EPB41L4A: variants seen among roughly 807,000 people sequenced by gnomAD.
The protein encoded by EPB41L4A is band 4.1-like protein 4A.
EPB41L4A carries 100 observed loss-of-function variants against 108.6 expected under a neutral mutation model. That is an observed-to-expected ratio of 0.92 (90% CI 0.78 to 1.09). The LOEUF is 1.09. Ranked by LOEUF, EPB41L4A falls within the 50% of genes least tolerant of loss-of-function variation. EPB41L4A has a pLI of 0.00. For synonymous variants in EPB41L4A, 319 were observed against 289.0 expected (o/e 1.10, Z -1.05); for missense variants, 1,030 against 842.7 (o/e 1.22, Z -2.75).
At chr5:112,352,406 T>C (rs1054550170) in intron 1 of EPB41L4A, among the ~76,000 whole-genome samples, 2 of 152,220 alleles carry the variant, frequency 1.3e-5, no homozygotes, top group African/African-American at 4.8e-5. Flanking sequence ...CATGTATTTG[T>C]AGCATTTCCA....
At chr5:112,268,403 TATAAAC>T (rs1752018385) in intron 4 of EPB41L4A, among the ~76,000 whole-genome samples, 1 of 151,826 alleles carries the variant, frequency 6.6e-6, no homozygotes, top group African/African-American at 2.4e-5. Context: ...AAAAAAACCT[TATAAAC>T]AAAAGAGACA....
At chr5:112,409,147 G>A (rs988537733) in intron 1 of EPB41L4A, among the ~76,000 whole-genome samples, 3 of 151,686 alleles carry the variant, frequency 2.0e-5, no homozygotes, top group African/African-American at 7.2e-5. Context: ...ATATTATTCA[G>A]CAATAAAATG....
chr5:112,204,295 G>C lies in EPB41L4A; in HGVS notation c.1376+80C>G, dbSNP rs904867712. Reference sequence around the variant, plus strand: ...GAGAGAAACAGTAATGTCGGTATAAGAATCACCTATTATAAAGTCAGGCCT... The same window carrying C: ...GAGAGAAACAGTAATGTCGGTATAACAATCACCTATTATAAAGTCAGGCCT... On this transcript the variant is annotated intron_variant, in intron 15 of 22. Coordinates refer to ENST00000261486, the MANE Select transcript of EPB41L4A (RefSeq NM_022140.5). 14 of 860,450 alleles carry C rather than the reference G, an allele frequency of 1.6e-5. No homozygotes were observed. In the African/African-American group the frequency reaches 1.8e-4, roughly 11 times the overall value. The allele number at this position is 860,450 out of a possible 1,614,324, so 53.3% of individuals were successfully genotyped here. A position where few individuals can be genotyped will look rare whatever the true frequency, so the allele number is the denominator to read the frequency against.
Position 112,170,982 on chromosome 5 carries a change from C to T in EPB41L4A, c.1633G>A (p.Asp545Asn), listed in dbSNP as rs772727938. The change falls in exon 19 of 23, where the codon GAT becomes AAT. Residue 545 changes from aspartate to asparagine, a missense_variant. Physicochemically the swap from Asp to Asn is conservative, Grantham distance 23. Transcript: ENST00000261486. Reference sequence around the variant, plus strand: ...CATAACTCTTCTTTTGCTTGGATATCGGGGCTTCTCCTATAAATAGAGAAA... The same window carrying T: ...CATAACTCTTCTTTTGCTTGGATATTGGGGCTTCTCCTATAAATAGAGAAA... ...SRHRSRSRSP[D>N]IQAKEELWKH... The T allele has an allele frequency of 5.6e-6, 9 of 1,613,494 alleles. No homozygotes were observed. The highest frequency in any genetic ancestry group is 4.5e-5 in the East Asian group (2 of 44,884).
intron 1 of EPB41L4A, among the ~76,000 whole-genome samples, chr5:112,398,563 A>G (rs965450500): frequency 6.6e-6 from 1 of 151,966 alleles, no homozygotes; most frequent in African/African-American, 2.4e-5. Context: ...AATTTTTTGT[A>G]TTTTTAGTAG....
At chr5:112,312,682 CAT>C (rs1296229956) in intron 1 of EPB41L4A, among the ~76,000 whole-genome samples, 1 of 152,112 alleles carries the variant, frequency 6.6e-6, no homozygotes, top group Non-Finnish European at 1.5e-5. Flanking sequence ...GGTGGAGGTA[CAT>C]ATCACCAGCT....
intron 15 of EPB41L4A, among the ~76,000 whole-genome samples, chr5:112,200,432 A>T (rs1279545757): frequency 2.0e-5 from 3 of 152,208 alleles, no homozygotes; most frequent in South Asian, 4.1e-4. Context: ...AAAAGTTTTT[A>T]AAATTCCCTT....
chr5:112,195,552 TA>T (rs976727072), intron 16 of EPB41L4A, 108 bp downstream of exon 16: 84 of 903,544 alleles, frequency 9.3e-5, no homozygotes, highest in Non-Finnish European at 1.2e-4. Flanking sequence ...CTTTTGAAAG[TA>T]AAAAAAATAA....
At chr5:112,195,026 G>A (rs988204719) in intron 16 of EPB41L4A, among the ~76,000 whole-genome samples, 1 of 152,114 alleles carries the variant, frequency 6.6e-6, no homozygotes, top group Non-Finnish European at 1.5e-5. Context: ...GAGACGTAGA[G>A]TTTATTTCCC....
At chr5:112,375,962 A>T (rs1040830889) in intron 1 of EPB41L4A, among the ~76,000 whole-genome samples, 1 of 152,204 alleles carries the variant, frequency 6.6e-6, no homozygotes, top group African/African-American at 2.4e-5. Context: ...AAAAGAGGCA[A>T]GATAACTGTC....
chr5:112,322,017 T>C (rs1755815556), intron 1 of EPB41L4A, among the ~76,000 whole-genome samples: 1 of 152,200 alleles, frequency 6.6e-6, no homozygotes, highest in Non-Finnish European at 1.5e-5. Context: ...TAAGTCATAA[T>C]CAGATAAAAT....
intron 12 of EPB41L4A, among the ~76,000 whole-genome samples, chr5:112,218,162 G>A (rs1379884922): frequency 1.3e-5 from 2 of 152,182 alleles, no homozygotes; most frequent in Admixed American, 1.3e-4. Flanking sequence ...GGCTAGGAAG[G>A]CATCTGCTCA....
At chr5:112,156,423 G>A (rs1186965774) in intron 12 of EPB41L4A, among the ~76,000 whole-genome samples, 1 of 151,760 alleles carries the variant, frequency 6.6e-6, no homozygotes, top group Non-Finnish European at 1.5e-5. Flanking sequence ...TGAGAACCAG[G>A]AGAACTGAGG....
intron 1 of EPB41L4A, among the ~76,000 whole-genome samples, chr5:112,307,795 C>T (rs1428731403): frequency 6.6e-6 from 1 of 152,058 alleles, no homozygotes; most frequent in African/African-American, 2.4e-5. Context: ...TAAAGATAAT[C>T]TTTTATATGA....
intron 7 of EPB41L4A, 131 bp downstream of exon 7, chr5:112,262,363 G>A: frequency 1.4e-6 from 1 of 730,500 alleles, no homozygotes; most frequent in Non-Finnish European, 2.3e-6. Context: ...CTTTGTGTTA[G>A]AAAAACAGAT....
chr5:112,147,603 A>C (rs149362814), intron 12 of EPB41L4A, among the ~76,000 whole-genome samples: 1 of 151,024 alleles, frequency 6.6e-6, no homozygotes, highest in African/African-American at 2.4e-5. Flanking sequence ...GCACCACTGC[A>C]CTCCAGCCTG....
chr5:112,308,394 C>T (rs1234511890), intron 1 of EPB41L4A, among the ~76,000 whole-genome samples: 1 of 152,136 alleles, frequency 6.6e-6, no homozygotes, highest in Non-Finnish European at 1.5e-5. Flanking sequence ...TAATACTGCA[C>T]TGCTTTTAGA....
chr5:112,365,570 T>G (rs1022627027), intron 1 of EPB41L4A, among the ~76,000 whole-genome samples: 2 of 152,208 alleles, frequency 1.3e-5, no homozygotes, highest in Admixed American at 1.3e-4. Flanking sequence ...GCACCCAGCC[T>G]CCTCTATTAA....
chr5:112,338,489 T>TA (rs1213377754), intron 1 of EPB41L4A, among the ~76,000 whole-genome samples: 2 of 152,146 alleles, frequency 1.3e-5, no homozygotes, highest in Admixed American at 1.3e-4. Context: ...GCTGCACCTG[T>TA]GCTCCCTCAC....
Sources: gnomAD v4.1 joint callset for allele counts (sites outside exome capture counted in the v4.1 genomes callset) on GRCh38, gnomAD v4.1.1 for gene constraint, MANE v1.5 for transcripts, NCBI Gene and HGNC (gene_info 2026-07-23, HGNC 2026-07-21) for gene names.